The following CRMP1 variants were observed in gnomAD, a reference collection of about 807,000 sequenced individuals.
CRMP1 encodes the protein collapsin response mediator protein 1.
Under a neutral mutation model 68.3 loss-of-function variants are expected in CRMP1, and 19 were observed. The observed-to-expected ratio is 0.28, with a 90% CI of 0.19 to 0.41. CRMP1 has a LOEUF of 0.41. CRMP1 is among the 10% of genes least tolerant of loss of function. The pLI is 1.00. For missense variants in CRMP1, 791 were observed against 967.4 expected (o/e 0.82, Z 2.42); for synonymous variants, 439 against 399.6 (o/e 1.10, Z -1.18).
intron 1 of CRMP1, among the ~76,000 whole-genome samples, chr4:5,868,294 T>TATAG (rs1714180338): frequency 7.9e-6 from 1 of 126,778 alleles, no homozygotes; most frequent in African/African-American, 2.8e-5. Flanking sequence ...TATATATATA[T>TATAG]ATATATATAC....
At position 5,838,187 on chromosome 4, in the gene CRMP1, C is replaced by T. The variant is rs1720857140; in HGVS notation, c.1311-1281G>A. 6.6e-6 allele frequency among the ~76,000 whole-genome samples: 1 copy of T among 152,050 alleles called. No individual in the cohort carries two copies. Among genetic ancestry groups the T allele is most frequent in the Non-Finnish European group, 1.5e-5 (1 of 68,024 alleles). On this transcript the variant is annotated intron_variant, in intron 9 of 13. Coordinates refer to ENST00000324989, the MANE Select transcript of CRMP1 (RefSeq NM_001014809.3). The surrounding 1 kb of genome is among the most constrained non-coding windows in gnomAD (Gnocchi z 4.9). The stretch of plus-strand genomic sequence containing the variant: ...GAAAGAGGGAACTAGCCAGGGGTTC[C>T]CATGAGTGTAAAGGCCCCGAGGCAG...
At position 5,856,267 on chromosome 4, in the gene CRMP1, G is replaced by A. The variant is rs1435802077; in HGVS notation, c.696C>T (p.Thr232=). Residue 232 remains threonine (T), a synonymous_variant, in exon 4 of 14, where the codon ACC becomes ACT. Coordinates refer to ENST00000324989, the MANE Select transcript of CRMP1 (RefSeq NM_001014809.3). ...VVPEPGSSLL[T]SFEKWHEAAD... ...CTGCTTCGTGCCACTTCTCGAAAGA[G>A]GTCAGTAGGCTGGACCCAGGTTCAG... 1.2e-6 allele frequency: 2 copies of A among 1,613,750 alleles called. No individual in the cohort carries two copies. Among genetic ancestry groups the A allele is most frequent in the Non-Finnish European group, 8.5e-7 (1 of 1,179,856 alleles).
rs1014336829 is a variant in CRMP1 at position 5,870,270 on chromosome 4, C to A, written c.382-3514G>T. On this transcript the variant is annotated intron_variant, in intron 1 of 13. Transcript: ENST00000324989. The surrounding 1 kb of genome is among the most constrained non-coding windows in gnomAD (Gnocchi z 6.0). ...ACCACCACCCTGCCAGCTGGCCCTA[C>A]ATCCCTTACCCGTTTATGTATTCAC... Among the ~76,000 whole-genome samples the A allele has an allele frequency of 6.6e-6, 1 of 152,348 alleles. No homozygotes were observed. Among genetic ancestry groups the A allele is most frequent in the East Asian group, 1.9e-4 (1 of 5,182 alleles).
chr4:5,877,194 C>A lies in CRMP1; in HGVS notation c.382-10438G>T, dbSNP rs575856182. Among the ~76,000 whole-genome samples the A allele has an allele frequency of 6.6e-6, 1 of 152,314 alleles. No individual in the cohort carries two copies. Among genetic ancestry groups the A allele is most frequent in the South Asian group, 2.1e-4 (1 of 4,822 alleles). ...AAGACTGAAGACAAATTGAGTTGAGCCCTGCTAAGCATCTACCACCCACAA... is the reference window on the plus strand; with the variant it reads ...AAGACTGAAGACAAATTGAGTTGAGACCTGCTAAGCATCTACCACCCACAA... On this transcript the variant is annotated intron_variant, in intron 1 of 13. Coordinates refer to ENST00000324989, the MANE Select transcript of CRMP1 (RefSeq NM_001014809.3). The surrounding 1 kb of genome is among the most constrained non-coding windows in gnomAD (Gnocchi z 4.3).
At position 5,885,650 on chromosome 4, in the gene CRMP1, T is replaced by C. The variant is rs955343531; in HGVS notation, c.381+6939A>G. Among the ~76,000 whole-genome samples, 137 of 152,208 alleles carry C rather than the reference T, an allele frequency of 9.0e-4. 1 individual carries two copies. The highest frequency in any genetic ancestry group is 3.1e-3 in the African/African-American group (130 of 41,534). ...CTGCTCTCCTCCTGTCCCCTCTGTC[T>C]CCCCTAGGACAAGGCTGAGTGTCCC... is the stretch of plus-strand genomic sequence containing the variant. On this transcript the variant is annotated intron_variant, in intron 1 of 13. Transcript: ENST00000324989.
In CRMP1 at chr4:5,821,609, C is replaced by T; in HGVS notation, c.*151G>A. On this transcript the variant is annotated 3_prime_UTR_variant, in exon 14 of 14. Transcript: ENST00000324989. The surrounding 1 kb of genome is among the most constrained non-coding windows in gnomAD (Gnocchi z 4.4). ...CAAACACACCACACTAGTACCACTTCTTCCTAAACAGAAAAGGGAAAGAGC... is the reference window on the plus strand; with the variant it reads ...CAAACACACCACACTAGTACCACTTTTTCCTAAACAGAAAAGGGAAAGAGC... 1.3e-6 allele frequency: 1 copy of T among 752,328 alleles called. No homozygotes were observed. Among genetic ancestry groups the T allele is most frequent in the Non-Finnish European group, 2.2e-6 (1 of 464,946 alleles). 46.6% of individuals were successfully genotyped at this position (752,328 alleles called of 1,614,324 possible).
chr4:5,873,359 A>T (rs943294192), intron 1 of CRMP1, among the ~76,000 whole-genome samples: 1 of 152,244 alleles, frequency 6.6e-6, no homozygotes, highest in Non-Finnish European at 1.5e-5. Context: ...TCACAATGCC[A>T]TAAAGAAATG....
intron 6 of CRMP1, among the ~76,000 whole-genome samples, chr4:5,848,301 C>T (rs1331447347): frequency 6.6e-6 from 1 of 152,158 alleles, no homozygotes; most frequent in South Asian, 2.1e-4. Context: ...ACCTGTAATA[C>T]CTGTATTCCC....
Position 5,889,680 on chromosome 4 carries a change from C to G in CRMP1, c.381+2909G>C. ...CATGCGAAATCCAACCCCACAGGTC[C>G]TATGAAACTACTCATCTTTTCTGCT... On this transcript the variant is annotated intron_variant, in intron 1 of 13. Coordinates refer to ENST00000324989, the MANE Select transcript of CRMP1 (RefSeq NM_001014809.3). The surrounding 1 kb of genome is among the most constrained non-coding windows in gnomAD (Gnocchi z 4.5). 1 of 1,536,146 alleles carries G rather than the reference C, an allele frequency of 6.5e-7. No individual in the cohort carries two copies. Among genetic ancestry groups the G allele is most frequent in the African/African-American group, 1.4e-5 (1 of 73,180 alleles).
intron 6 of CRMP1, among the ~76,000 whole-genome samples, chr4:5,846,878 T>C (rs935832315): frequency 6.7e-6 from 1 of 149,160 alleles, no homozygotes; most frequent in Non-Finnish European, 1.5e-5. Context: ...GCCTCCCAAA[T>C]TGCTGGGATT....
chr4:5,854,412 T>C lies in CRMP1; in HGVS notation c.820+1731A>G, dbSNP rs1041718595. Among the ~76,000 whole-genome samples, 13 of 147,760 alleles carry C rather than the reference T, an allele frequency of 8.8e-5. No individual in the cohort carries two copies. The highest frequency in any genetic ancestry group is 2.0e-4 in the East Asian group (1 of 5,004). On this transcript the variant is annotated intron_variant, in intron 4 of 13. Transcript: ENST00000324989. This position sits in a 1 kb window ranked among gnomAD's most constrained non-coding sequence, Gnocchi z 4.0. ...ACTCCTGGCTATGTTTTTTTTTTTT[T>C]TTTTTTTTTTTTAATAGAGTCGTGG...
In CRMP1 at chr4:5,843,083, G is replaced by A; in HGVS notation, c.1032+10C>T. 6.2e-7 allele frequency: 1 copy of A among 1,613,558 alleles called. No homozygotes were observed. The highest frequency in any genetic ancestry group is 1.1e-5 in the South Asian group (1 of 91,040). Reference sequence around the variant, plus strand: ...GTGTCAGAGTCATGCCCAAGTTGAGGAGTCCTTACCTCTTCAGGTCTGCTC... The same window carrying A: ...GTGTCAGAGTCATGCCCAAGTTGAGAAGTCCTTACCTCTTCAGGTCTGCTC... On this transcript the variant is annotated intron_variant, in intron 7 of 13. Transcript: ENST00000324989. This position sits in a 1 kb window ranked among gnomAD's most constrained non-coding sequence, Gnocchi z 4.1.
Position 5,825,268 on chromosome 4 carries a change from A to G in CRMP1, c.1969+226T>C, listed in dbSNP as rs17748543. On this transcript the variant is annotated intron_variant, in intron 13 of 13. Transcript: ENST00000324989. This position sits in a 1 kb window ranked among gnomAD's most constrained non-coding sequence, Gnocchi z 4.4. ...TTGGTACCTCTCTTTGTAAACCCACATCAGGTACCACCATGTTGCCCCCCT... is the reference window on the plus strand; with the variant it reads ...TTGGTACCTCTCTTTGTAAACCCACGTCAGGTACCACCATGTTGCCCCCCT... 54,975 of 985,218 alleles carry G rather than the reference A, an allele frequency of 0.056. 1,573 individuals carry two copies. Among genetic ancestry groups the G allele is most frequent in the African/African-American group, 0.062 (3,536 of 57,280 alleles). 61.0% of individuals were successfully genotyped at this position (985,218 alleles called of 1,614,324 possible). A position where few individuals can be genotyped will look rare whatever the true frequency, so the allele number is the denominator to read the frequency against.
rs1261053938 is a variant in CRMP1 at position 5,861,456 on chromosome 4, C to T, written c.471-246G>A. The stretch of plus-strand genomic sequence containing the variant: ...AGATGATCGGGGGCACGAGGAGGGG[C>T]CCTTTCATCCAGTCTCATTATCTAA... On this transcript the variant is annotated intron_variant, in intron 2 of 13. Transcript: ENST00000324989. This position sits in a 1 kb window ranked among gnomAD's most constrained non-coding sequence, Gnocchi z 6.0. 3.3e-5 allele frequency among the ~76,000 whole-genome samples: 5 copies of T among 152,128 alleles called. No homozygotes were observed. The highest frequency in any genetic ancestry group is 4.1e-4 in the South Asian group (2 of 4,826).
Position 5,821,655 on chromosome 4 carries a change from C to A in CRMP1, c.*105G>T. The A allele has an allele frequency of 9.4e-7, 1 of 1,065,184 alleles. No individual in the cohort carries two copies. Among genetic ancestry groups the A allele is most frequent in the Non-Finnish European group, 1.4e-6 (1 of 733,154 alleles). 66.0% of individuals were successfully genotyped at this position (1,065,184 alleles called of 1,614,324 possible). ...AGAGCATCCTTCGACTTCCCCCTCC[C>A]TCCATCAGCACCAACTAAAACTGTG... On this transcript the variant is annotated 3_prime_UTR_variant, in exon 14 of 14. Transcript: ENST00000324989. This position sits in a 1 kb window ranked among gnomAD's most constrained non-coding sequence, Gnocchi z 4.4.
In CRMP1 at chr4:5,888,907, G is replaced by A. The variant is rs2152477488; in HGVS notation, c.381+3682C>T. ...AACGTTCTTGTCCCTCCAGGATCGC[G>A]CCCAAGGACCGCTCCCCTCTTGCCT... On this transcript the variant is annotated intron_variant, in intron 1 of 13. Transcript: ENST00000324989. This position sits in a 1 kb window ranked among gnomAD's most constrained non-coding sequence, Gnocchi z 6.4. Among the ~76,000 whole-genome samples, 2 of 151,950 alleles carry A rather than the reference G, an allele frequency of 1.3e-5. No individual in the cohort carries two copies. Among genetic ancestry groups the A allele is most frequent in the East Asian group, 3.9e-4 (2 of 5,136 alleles).
intron 6 of CRMP1, among the ~76,000 whole-genome samples, chr4:5,845,243 T>C (rs1712104198): frequency 6.6e-6 from 1 of 152,206 alleles, no homozygotes; most frequent in African/African-American, 2.4e-5. Context: ...GAGTGTGGGC[T>C]GGACCCAGCA....
In CRMP1 at chr4:5,842,622, TCACA is replaced by T. The variant is rs536969374; in HGVS notation, c.1032+467_1032+470del. ...CTCACACACACACACACACACTCACTCACACACACACACACGCACTGTCTCTCTC... is the reference window on the plus strand; with the variant it reads ...CTCACACACACACACACACACTCACTCACACACACACGCACTGTCTCTCTC... On this transcript the variant is annotated intron_variant, in intron 7 of 13. Coordinates refer to ENST00000324989, the MANE Select transcript of CRMP1 (RefSeq NM_001014809.3). This position sits in a 1 kb window ranked among gnomAD's most constrained non-coding sequence, Gnocchi z 4.5. 3.6e-4 allele frequency among the ~76,000 whole-genome samples: 51 copies of T among 143,122 alleles called. No individual in the cohort carries two copies. The highest frequency in any genetic ancestry group is 3.5e-3 in the Middle Eastern group (1 of 286). 93.9% of individuals were successfully genotyped at this position (143,122 alleles called of 152,430 possible). A position where few individuals can be genotyped will look rare whatever the true frequency, so the allele number is the denominator to read the frequency against.
rs1553902565 is a variant in CRMP1 at position 5,827,746 on chromosome 4, C to CACACACAT, written c.1803+742_1803+743insATGTGTGT. Among the ~76,000 whole-genome samples, 1,437 of 152,042 alleles carry CACACACAT rather than the reference C, an allele frequency of 9.5e-3. 17 individuals are homozygous for CACACACAT. Among genetic ancestry groups the CACACACAT allele is most frequent in the African/African-American group, 0.032 (1,319 of 41,438 alleles). On this transcript the variant is annotated intron_variant, in intron 12 of 13. Coordinates refer to ENST00000324989, the MANE Select transcript of CRMP1 (RefSeq NM_001014809.3). ...ACATGTGCGCGTGCACACACACACA[C>CACACACAT]ACACACACGAAGCTGGCCTTTCTGG...
Sources: gnomAD v4.1 joint callset for allele counts (sites outside exome capture counted in the v4.1 genomes callset) on GRCh38, gnomAD v4.1.1 for gene constraint, Gnocchi (gnomAD v3.1) non-coding constraint, MANE v1.5 for transcripts, NCBI Gene and HGNC (gene_info 2026-07-23, HGNC 2026-07-21) for gene names.